GLYR1: variants seen among roughly 807,000 people sequenced by gnomAD.
GLYR1 encodes the protein glyoxylate reductase 1 homolog, also known as cytokine-like nuclear factor N-PAC.
Under a neutral mutation model 72.7 loss-of-function variants are expected in GLYR1, and 21 were observed. The observed-to-expected ratio is 0.29, with a 90% CI of 0.20 to 0.42. The LOEUF (loss-of-function observed/expected upper bound fraction) is 0.42. Ranked by LOEUF, GLYR1 falls within the 10% of genes least tolerant of loss-of-function variation. GLYR1 has a pLI of 1.00. For synonymous variants in GLYR1, 392 were observed against 270.2 expected (o/e 1.45, Z -4.42); for missense variants, 594 against 712.1 (o/e 0.83, Z 1.89).
intron 2 of GLYR1, among the ~76,000 whole-genome samples, chr16:4,845,964 C>T (rs2085997612): frequency 6.6e-6 from 1 of 152,098 alleles, no homozygotes; most frequent in Admixed American, 6.5e-5. Context: ...CCTCTAAATC[C>T]AGAAATAAGG....
rs749529107 is a variant in GLYR1, at chr16:4,813,764, G to T, written c.1092C>A (p.Asp364Glu). 5.0e-6 allele frequency: 8 copies of T among 1,610,696 alleles called. No homozygotes were observed. Among genetic ancestry groups the T allele is most frequent in the Middle Eastern group, 1.6e-4 (1 of 6,074 alleles). Residue 364 changes from aspartate (D) to glutamate (E), a missense_variant, in exon 12 of 16, where the codon GAC (aspartate) becomes GAA (glutamate). Transcript: ENST00000321919. ...GKCYVDMSTVDADTVTELAQV... is the reference protein window; with the variant it reads ...GKCYVDMSTVEADTVTELAQV... ...GGGCCAGCTCAGTGACGGTGTCAGC[G>T]TCCACTGTTGACATGTCCACGTAGC...
intron 3 of GLYR1, chr16:4,833,198 C>T (rs142169612): frequency 1.5e-4 from 38 of 255,384 alleles, no homozygotes; most frequent in South Asian, 9.2e-4. Flanking sequence ...TTTCCACAAT[C>T]GTCTATCAGC....
In GLYR1 at chr16:4,812,207, G is replaced by A. The variant is rs2141955221; in HGVS notation, c.1161C>T (p.Val387=). The change falls in exon 13 of 16, where the codon GTC becomes GTT. Residue 387 remains valine (V), a synonymous_variant. Transcript: ENST00000321919. Reference sequence around the variant, plus strand: ...CATTAGACAGCTGCTGATTCCCTGAGACGGGGGCTTCCAGAAAGCGCCCCC... The same window carrying A: ...CATTAGACAGCTGCTGATTCCCTGAAACGGGGGCTTCCAGAAAGCGCCCCC... The part of the protein sequence containing the change: ...SRGGRFLEAP[V]SGNQQLSNDG... 23 of 1,614,060 alleles carry A rather than the reference G, an allele frequency of 1.4e-5. No homozygotes were observed. The highest frequency in any genetic ancestry group is 1.9e-5 in the Non-Finnish European group (23 of 1,180,016).
intron 15 of GLYR1, among the ~76,000 whole-genome samples, chr16:4,809,560 C>T (rs1362986527): frequency 2.7e-5 from 4 of 147,320 alleles, no homozygotes; most frequent in South Asian, 2.2e-4. Flanking sequence ...TGCAGTGAGC[C>T]GAGATCGTGC....
chr16:4,805,795 G>A (rs550320447), intron 15 of GLYR1, among the ~76,000 whole-genome samples: 1 of 151,798 alleles, frequency 6.6e-6, no homozygotes, highest in Non-Finnish European at 1.5e-5. Context: ...GGTGACCGTC[G>A]TGAAACCCCT....
intron 10 of GLYR1, among the ~76,000 whole-genome samples, chr16:4,814,883 G>A (rs868321154): frequency 6.6e-6 from 1 of 152,160 alleles, no homozygotes; most frequent in South Asian, 2.1e-4. Flanking sequence ...CTTCACAAGT[G>A]TCTGCTGAAG....
At chr16:4,805,968 G>A (rs1163752811) in intron 15 of GLYR1, among the ~76,000 whole-genome samples, 1 of 152,128 alleles carries the variant, frequency 6.6e-6, no homozygotes, top group Non-Finnish European at 1.5e-5. Flanking sequence ...GTGACAGAGC[G>A]AGACTCTGTC....
intron 3 of GLYR1, among the ~76,000 whole-genome samples, chr16:4,834,485 C>A (rs2085006399): frequency 6.7e-6 from 1 of 149,026 alleles, no homozygotes; most frequent in African/African-American, 2.5e-5. Flanking sequence ...CTTTTTGAGA[C>A]AGAGTCTCAT....
chr16:4,816,869 C>T (rs575259614), intron 10 of GLYR1, among the ~76,000 whole-genome samples: 4 of 151,858 alleles, frequency 2.6e-5, no homozygotes, highest in Non-Finnish European at 4.4e-5. Flanking sequence ...CGCCTGTAAT[C>T]CCAGCTACTT....
At chr16:4,812,036 A>T in intron 13 of GLYR1, 50 bp downstream of exon 13, 1 of 1,583,446 alleles carries the variant, frequency 6.3e-7, no homozygotes, top group Non-Finnish European at 8.6e-7. Flanking sequence ...AGTGTGAAAC[A>T]GAGGAGATGT....
chr16:4,834,483 GAC>G (rs1284572670), intron 3 of GLYR1, among the ~76,000 whole-genome samples: 1 of 149,554 alleles, frequency 6.7e-6, no homozygotes. Context: ...TCCTTTTTGA[GAC>G]AGAGTCTCAT....
Position 4,813,803 on chromosome 16 carries a change from G to A in GLYR1, c.1053C>T (p.Ile351=), listed in dbSNP as rs1169418408. Residue 351 remains isoleucine, a synonymous_variant, in exon 12 of 16, where the codon ATC becomes ATT. Coordinates refer to ENST00000321919, the MANE Select transcript of GLYR1 (RefSeq NM_032569.4). ...VLGPSGVLQG[I]RPGKCYVDMS... Reference sequence around the variant, plus strand: ...TGTCCACGTAGCACTTCCCAGGGCGGATCCCTTGCAGCACACCACTGGGGC... The same window carrying A: ...TGTCCACGTAGCACTTCCCAGGGCGAATCCCTTGCAGCACACCACTGGGGC... 24 of 1,613,114 alleles carry A rather than the reference G, an allele frequency of 1.5e-5. No homozygotes were observed. The highest frequency in any genetic ancestry group is 2.0e-5 in the Non-Finnish European group (24 of 1,179,650).
intron 12 of GLYR1, among the ~76,000 whole-genome samples, chr16:4,812,583 C>T (rs1241655296): frequency 2.0e-5 from 3 of 151,662 alleles, no homozygotes; most frequent in African/African-American, 4.9e-5. Context: ...AGCTCCGCCT[C>T]GCGGGTTCAT....
chr16:4,840,585 TCA>T (rs1338101054), intron 3 of GLYR1, among the ~76,000 whole-genome samples: 3 of 152,134 alleles, frequency 2.0e-5, no homozygotes, highest in African/African-American at 4.8e-5. Context: ...TCCATCTCTC[TCA>T]GTTTTCCATA....
chr16:4,824,619 T>C lies in GLYR1; in HGVS notation c.538-712A>G, dbSNP rs919166891. On this transcript the variant is annotated intron_variant, in intron 5 of 15. Transcript: ENST00000321919. ...GAGATCTGCCCACATTTTACAGCTATCATGACAAAGGCAGAATTAAACTCC... is the reference window on the plus strand; with the variant it reads ...GAGATCTGCCCACATTTTACAGCTACCATGACAAAGGCAGAATTAAACTCC... Among the ~76,000 whole-genome samples, 13 of 151,896 alleles carry C rather than the reference T, an allele frequency of 8.6e-5. No homozygotes were observed. The East Asian group carries it at 2.3e-3, about 27-fold the overall frequency.
Position 4,815,512 on chromosome 16 carries a change from C to T in GLYR1, c.907-865G>A, listed in dbSNP as rs561618987. On this transcript the variant is annotated intron_variant, in intron 10 of 15. Coordinates refer to ENST00000321919, the MANE Select transcript of GLYR1 (RefSeq NM_032569.4). Reference sequence around the variant, plus strand: ...CTTAGCCCACTTTCAATTGTAAAATCACATCACCAAACATCTTTACGTACA... The same window carrying T: ...CTTAGCCCACTTTCAATTGTAAAATTACATCACCAAACATCTTTACGTACA... Among the ~76,000 whole-genome samples the T allele has an allele frequency of 3.9e-5, 6 of 152,286 alleles. No individual in the cohort carries two copies. The South Asian group carries it at 1.2e-3, about 32-fold the overall frequency.
chr16:4,840,479 T>C (rs1269273092), intron 3 of GLYR1: 3 of 152,208 alleles, frequency 2.0e-5, no homozygotes, highest in Non-Finnish European at 2.9e-5. Context: ...AGAGCAAACC[T>C]GGCTGACATC....
chr16:4,818,158 C>G (rs1407175302), intron 9 of GLYR1, among the ~76,000 whole-genome samples: 1 of 152,180 alleles, frequency 6.6e-6, no homozygotes, highest in Non-Finnish European at 1.5e-5. Flanking sequence ...CCATGCCCAG[C>G]TAATTTTTGT....
intron 15 of GLYR1, among the ~76,000 whole-genome samples, chr16:4,809,871 C>G (rs983266220): frequency 5.1e-4 from 78 of 151,942 alleles, no homozygotes; most frequent in African/African-American, 1.8e-3. Context: ...TTGCGGTGAG[C>G]CGAGATCGCG....
Sources: gnomAD v4.1 joint callset for allele counts (sites outside exome capture counted in the v4.1 genomes callset) on GRCh38, gnomAD v4.1.1 for gene constraint, MANE v1.5 for transcripts, NCBI Gene and HGNC (gene_info 2026-07-23, HGNC 2026-07-21) for gene names.